Variants in SGO2 observed in about 807,000 individuals in gnomAD.
SGO2 encodes shugoshin 2.
Under a neutral mutation model 99.5 loss-of-function variants are expected in SGO2, and 68 were observed. That is an observed-to-expected ratio of 0.68 (90% CI 0.56 to 0.84). SGO2 has a LOEUF of 0.84. Ranked by LOEUF, SGO2 falls within the 40% of genes least tolerant of loss-of-function variation. The pLI is 0.00. For synonymous variants in SGO2, 457 were observed against 487.1 expected (o/e 0.94, Z 0.81); for missense variants, 1,350 against 1,436.7 (o/e 0.94, Z 0.97).
At chr2:200,576,604 G>A (rs2033674379) in intron 8 of SGO2, among the ~76,000 whole-genome samples, 1 of 152,006 alleles carries the variant, frequency 6.6e-6, no homozygotes, top group South Asian at 2.1e-4. Flanking sequence ...GCAATATTCT[G>A]GTTTTTAGTA....
In SGO2 at chr2:200,532,400, G is replaced by A. The variant is rs2031450336; in HGVS notation, c.-2-574G>A. 4.1e-6 allele frequency: 4 copies of A among 983,608 alleles called. No individual in the cohort carries two copies. In the South Asian group the frequency reaches 1.4e-4, roughly 35 times the overall value. The allele number at this position is 983,608 out of a possible 1,614,324, so 60.9% of individuals were successfully genotyped here. On this transcript the variant is annotated intron_variant, in intron 1 of 8. Coordinates refer to ENST00000357799, the MANE Select transcript of SGO2 (RefSeq NM_152524.6). The stretch of plus-strand genomic sequence containing the variant: ...ACATCAACTGCTGCTTCTCAGTGAA[G>A]CTATTTCTGATCCTTTTCCTCTGCC...
chr2:200,560,087 C>A (rs184163985), intron 5 of SGO2, among the ~76,000 whole-genome samples: 185 of 152,256 alleles, frequency 1.2e-3, no homozygotes, highest in African/African-American at 4.3e-3. Flanking sequence ...ATCCTTCCTG[C>A]TTCTGTTGTC....
chr2:200,534,951 A>G lies in SGO2; in HGVS notation c.134-45A>G, dbSNP rs1411625540. 4 of 1,320,434 alleles carry G rather than the reference A, an allele frequency of 3.0e-6. No individual in the cohort carries two copies. In the African/African-American group the frequency reaches 4.7e-5, roughly 16 times the overall value. The allele number at this position is 1,320,434 out of a possible 1,614,324, so 81.8% of individuals were successfully genotyped here. A position where few individuals can be genotyped will look rare whatever the true frequency, so the allele number is the denominator to read the frequency against. On this transcript the variant is annotated intron_variant, in intron 2 of 8. Transcript: ENST00000357799. Reference sequence around the variant, plus strand: ...TTACTAAGGAATATAAAAATTTCTTAAGGTATAAGCTGAATATTAACTCAT... The same window carrying G: ...TTACTAAGGAATATAAAAATTTCTTGAGGTATAAGCTGAATATTAACTCAT...
chr2:200,550,278 G>A (rs965918507), intron 5 of SGO2, among the ~76,000 whole-genome samples: 11 of 152,054 alleles, frequency 7.2e-5, no homozygotes, highest in African/African-American at 2.7e-4. Context: ...ACTACCCAAA[G>A]CAATTTACAG....
intron 1 of SGO2, among the ~76,000 whole-genome samples, chr2:200,527,021 A>T (rs2031131719): frequency 6.6e-6 from 1 of 152,206 alleles, no homozygotes; most frequent in African/African-American, 2.4e-5. Context: ...TCACATAGCT[A>T]TGAAACGTTG....
At chr2:200,569,101 C>T (rs1234154428) in intron 5 of SGO2, among the ~76,000 whole-genome samples, 1 of 151,968 alleles carries the variant, frequency 6.6e-6, no homozygotes, top group Non-Finnish European at 1.5e-5. Flanking sequence ...GACGATATTA[C>T]TCTTCATTCT....
chr2:200,534,982 A>G lies in SGO2; in HGVS notation c.134-14A>G. ...TAAGCTGAATATTAACTCATTTTAA[A>G]AATCTTTTTACAGATAATTCTTCTA... is the stretch of plus-strand genomic sequence containing the variant. On this transcript the variant is annotated splice_polypyrimidine_tract_variant and intron_variant, in intron 2 of 8. Transcript: ENST00000357799. The G allele has an allele frequency of 6.7e-7, 1 of 1,497,022 alleles. No individual in the cohort carries two copies. The allele number at this position is 1,497,022 out of a possible 1,614,324, so 92.7% of individuals were successfully genotyped here.
At chr2:200,533,451 A>G in intron 2 of SGO2, 1 of 205,330 alleles carries the variant, frequency 4.9e-6, no homozygotes, top group Non-Finnish European at 9.9e-6. Context: ...CAACTGGATG[A>G]TGGGTAGCCT....
intron 5 of SGO2, among the ~76,000 whole-genome samples, chr2:200,564,444 GTTCTT>G (rs1395168310): frequency 6.6e-6 from 1 of 152,160 alleles, no homozygotes; most frequent in Non-Finnish European, 1.5e-5. Flanking sequence ...TGTGATTTCT[GTTCTT>G]TTACATTTGC....
At chr2:200,559,281 T>C (rs916436887) in intron 5 of SGO2, among the ~76,000 whole-genome samples, 5 of 152,324 alleles carry the variant, frequency 3.3e-5, no homozygotes, top group African/African-American at 9.6e-5. Context: ...AGTGAGGTTC[T>C]CTTCTTCTTT....
intron 2 of SGO2, chr2:200,533,519 ATGTGTGTGTGTG>A (rs35068823): frequency 2.1e-5 from 3 of 144,016 alleles, no homozygotes; most frequent in Non-Finnish European, 4.7e-5. Flanking sequence ...TATAATGTAT[ATGTGTGTGTGTG>A]TGTGTGTGTG....
intron 5 of SGO2, among the ~76,000 whole-genome samples, chr2:200,544,840 A>G (rs1007093594): frequency 2.6e-5 from 4 of 152,068 alleles, no homozygotes; most frequent in African/African-American, 7.2e-5. Context: ...ATCCTCAACA[A>G]TTCTTGTTAT....
intron 1 of SGO2, chr2:200,532,492 G>A (rs1459510771): frequency 2.4e-5 from 23 of 945,992 alleles, no homozygotes; most frequent in Non-Finnish European, 2.6e-5. Flanking sequence ...ATACTATAAT[G>A]TAATGATTTC....
At chr2:200,580,696 T>C (rs2033815504) in intron 8 of SGO2, among the ~76,000 whole-genome samples, 2 of 151,978 alleles carry the variant, frequency 1.3e-5, no homozygotes, top group African/African-American at 4.8e-5. Flanking sequence ...GCCAGGCACA[T>C]TGGCATGTGC....
intron 5 of SGO2, among the ~76,000 whole-genome samples, chr2:200,553,227 A>G (rs1357302395): frequency 1.3e-5 from 2 of 152,218 alleles, no homozygotes; most frequent in Non-Finnish European, 2.9e-5. Flanking sequence ...TTCCTACACA[A>G]GGAGTACAAT....
At position 200,570,338 on chromosome 2, in the gene SGO2, C is replaced by T. The variant is rs566308623; in HGVS notation, c.703+446C>T. On this transcript the variant is annotated intron_variant, in intron 6 of 8. Coordinates refer to ENST00000357799, the MANE Select transcript of SGO2 (RefSeq NM_152524.6). This position sits in a 1 kb window ranked among gnomAD's most constrained non-coding sequence, Gnocchi z 4.4. ...TGAGCAAGAAAAAAGATGGCATTTA[C>T]ATTTTATTTACATAGTATTCCTAAA... 6.6e-6 allele frequency among the ~76,000 whole-genome samples: 1 copy of T among 152,026 alleles called. No homozygotes were observed. Among genetic ancestry groups the T allele is most frequent in the South Asian group, 2.1e-4 (1 of 4,820 alleles).
At chr2:200,582,452 A>G (rs2033868369) in intron 8 of SGO2, among the ~76,000 whole-genome samples, 1 of 152,086 alleles carries the variant, frequency 6.6e-6, no homozygotes, top group Admixed American at 6.6e-5. Flanking sequence ...TAACCTCCCC[A>G]CTAGCTTGCT....
chr2:200,573,608 C>G lies in SGO2; in HGVS notation c.3262C>G (p.Pro1088Ala). ...KSKKRKTSID[P>A]SPESHEVMER... ...AAAGAAAAGGAAGACCTCCATAGAT[C>G]CTTCTCCAGAGAGCCATGAAGTAAT... Residue 1088 changes from proline to alanine, a missense_variant, in exon 7 of 9, where the codon CCT (proline) becomes GCT (alanine). Transcript: ENST00000357799. 3.7e-6 allele frequency: 6 copies of G among 1,610,736 alleles called. No homozygotes were observed. The highest frequency in any genetic ancestry group is 5.1e-6 in the Non-Finnish European group (6 of 1,178,946).
chr2:200,574,185 A>T (rs935100321), intron 7 of SGO2, among the ~76,000 whole-genome samples: 5 of 152,090 alleles, frequency 3.3e-5, no homozygotes, highest in Admixed American at 1.3e-4. Flanking sequence ...AGTATCTTGG[A>T]CATTTACAAC....
Sources: gnomAD v4.1 joint callset for allele counts (sites outside exome capture counted in the v4.1 genomes callset) on GRCh38, gnomAD v4.1.1 for gene constraint, Gnocchi (gnomAD v3.1) non-coding constraint, MANE v1.5 for transcripts, NCBI Gene and HGNC (gene_info 2026-07-23, HGNC 2026-07-21) for gene names.